Variants in NCOA5 observed in about 807,000 individuals in gnomAD.
NCOA5 encodes nuclear receptor coactivator 5, also known as NCoA-5.
Under a neutral mutation model 59.0 loss-of-function variants are expected in NCOA5, and 12 were observed. That is an observed-to-expected ratio of 0.20 (90% CI 0.13 to 0.33). The LOEUF (loss-of-function observed/expected upper bound fraction) is 0.33. Among genes scored for constraint, NCOA5 ranks in the 10% least tolerant of loss-of-function variants. NCOA5 has a pLI of 1.00. For synonymous variants in NCOA5, 270 were observed against 275.5 expected (o/e 0.98, Z 0.20); for missense variants, 655 against 766.6 (o/e 0.85, Z 1.72).
chr20:46,083,248 G>A (rs987980213), intron 1 of NCOA5, among the ~76,000 whole-genome samples: 7 of 152,156 alleles, frequency 4.6e-5, no homozygotes, highest in African/African-American at 9.7e-5. Context: ...TTTTCCTGAC[G>A]TTCTGCGAAA....
rs1484821338 is a variant in NCOA5, at chr20:46,067,179, G to A, written c.505C>T (p.Arg169Cys). Residue 169 changes from arginine to cysteine, a missense_variant and splice_region_variant, in exon 5 of 8, where the codon CGT becomes TGT. Arg to Cys is a radical substitution (Grantham distance 180, BLOSUM62 -3). Around this residue, in one of 3 missense-constraint regions of NCOA5, gnomAD observed 250 missense variants for 260.1 expected, o/e 0.96. Coordinates refer to ENST00000290231, the MANE Select transcript of NCOA5 (RefSeq NM_020967.3). ...CTACGCCGTTCCTCACGTTTCAAAC[G>A]CTCTGCAAAACACCACCAGGGTAAA... ...GPESQSRAKE[R>C]LKREERRREE... 1.2e-5 allele frequency: 19 copies of A among 1,612,016 alleles called. No homozygotes were observed. The highest frequency in any genetic ancestry group is 1.4e-5 in the Non-Finnish European group (16 of 1,179,434).
intron 4 of NCOA5, among the ~76,000 whole-genome samples, chr20:46,067,558 T>C (rs989577739): frequency 6.2e-5 from 9 of 146,228 alleles, no homozygotes; most frequent in Non-Finnish European, 1.1e-4. Context: ...CTAATCTGCA[T>C]TTTTGCTTTT....
chr20:46,075,569 T>C (rs573562187), intron 2 of NCOA5, among the ~76,000 whole-genome samples: 3 of 152,338 alleles, frequency 2.0e-5, no homozygotes, highest in Admixed American at 6.5e-5. Context: ...CTGCAGAGCG[T>C]TGGATGCAGA....
At chr20:46,087,240 G>C (rs771991281) in intron 1 of NCOA5, among the ~76,000 whole-genome samples, 10 of 152,192 alleles carry the variant, frequency 6.6e-5, no homozygotes, top group African/African-American at 1.9e-4. Context: ...AAAAACAAGA[G>C]AACAACCTAA....
chr20:46,067,938 T>C (rs1396016347), intron 4 of NCOA5, among the ~76,000 whole-genome samples: 1 of 141,006 alleles, frequency 7.1e-6, no homozygotes, highest in African/African-American at 2.9e-5. Flanking sequence ...ATTTTTCTCT[T>C]TTTTTTTTTT....
At chr20:46,088,868 G>A (rs764036631) in intron 1 of NCOA5, among the ~76,000 whole-genome samples, 1 of 152,154 alleles carries the variant, frequency 6.6e-6, no homozygotes, top group Non-Finnish European at 1.5e-5. Context: ...AATTTCAGGA[G>A]GAACAAGGAC....
chr20:46,088,018 C>T (rs2085062281), intron 1 of NCOA5, among the ~76,000 whole-genome samples: 2 of 152,066 alleles, frequency 1.3e-5, no homozygotes, highest in South Asian at 4.2e-4. Flanking sequence ...TTTACACAGC[C>T]TTTGAGGGGA....
intron 1 of NCOA5, among the ~76,000 whole-genome samples, chr20:46,088,507 A>G (rs1442843443): frequency 6.6e-6 from 1 of 152,240 alleles, no homozygotes; most frequent in Non-Finnish European, 1.5e-5. Context: ...ACTCATAGAG[A>G]AAACATTAAA....
At chr20:46,087,981 A>G (rs1040179364) in intron 1 of NCOA5, among the ~76,000 whole-genome samples, 3 of 149,646 alleles carry the variant, frequency 2.0e-5, no homozygotes, top group African/African-American at 7.4e-5. Flanking sequence ...ACACACATAT[A>G]TATACATATA....
chr20:46,080,487 C>T (rs1235090715), intron 1 of NCOA5, among the ~76,000 whole-genome samples: 1 of 152,078 alleles, frequency 6.6e-6, no homozygotes, highest in East Asian at 1.9e-4. Flanking sequence ...GTATTAAGTA[C>T]TCACATAATT....
chr20:46,076,696 C>T (rs2084941882), intron 2 of NCOA5, among the ~76,000 whole-genome samples: 1 of 151,712 alleles, frequency 6.6e-6, no homozygotes, highest in South Asian at 2.1e-4. Flanking sequence ...TGTTAAATAA[C>T]ATGCTGAGGA....
chr20:46,080,729 A>G (rs1186437420), intron 1 of NCOA5, among the ~76,000 whole-genome samples: 1 of 152,140 alleles, frequency 6.6e-6, no homozygotes, highest in Non-Finnish European at 1.5e-5. Flanking sequence ...AATAATATAA[A>G]GCTAAATAGT....
intron 1 of NCOA5, among the ~76,000 whole-genome samples, chr20:46,084,450 C>A (rs374105653): frequency 2.0e-5 from 3 of 152,172 alleles, no homozygotes; most frequent in East Asian, 3.8e-4. Context: ...CCAGAGACAC[C>A]CAACAGGGTA....
intron 5 of NCOA5, 149 bp from the exon 6 acceptor site, chr20:46,065,377 C>A: frequency 1.3e-6 from 1 of 751,342 alleles, no homozygotes; most frequent in Non-Finnish European, 2.2e-6. Flanking sequence ...CCAATACTCT[C>A]TCTCTACCCT....
intron 3 of NCOA5, among the ~76,000 whole-genome samples, chr20:46,068,948 C>A (rs1055129889): frequency 1.3e-5 from 2 of 152,020 alleles, no homozygotes; most frequent in Non-Finnish European, 2.9e-5. Context: ...AATAATTTGC[C>A]ATTTTAACAA....
In NCOA5 at chr20:46,068,371, TTTC is replaced by T. The variant is rs541170863; in HGVS notation, c.502+128_502+130del. On this transcript the variant is annotated intron_variant, in intron 4 of 7. Transcript: ENST00000290231. ...TTTACCCACTAATAAGCTACTTATA[TTTC>T]TTCTTTTTATACACTGCTTGGCCAA... The T allele has an allele frequency of 3.1e-4, 276 of 903,862 alleles. No individual in the cohort carries two copies. The African/African-American group carries it at 4.3e-3, about 14-fold the overall frequency. The allele number at this position is 903,862 out of a possible 1,614,324, so 56.0% of individuals were successfully genotyped here. A position where few individuals can be genotyped will look rare whatever the true frequency, so the allele number is the denominator to read the frequency against.
Position 46,079,470 on chromosome 20 carries a change from A to C in NCOA5, c.-29-17T>G. 1 of 1,590,628 alleles carries C rather than the reference A, an allele frequency of 6.3e-7. No individual in the cohort carries two copies. The highest frequency in any genetic ancestry group is 8.6e-7 in the Non-Finnish European group (1 of 1,159,066). On this transcript the variant is annotated splice_polypyrimidine_tract_variant and intron_variant, in intron 1 of 7. Coordinates refer to ENST00000290231, the MANE Select transcript of NCOA5 (RefSeq NM_020967.3). The stretch of plus-strand genomic sequence containing the variant: ...TATTAATATCTGAAAAGAATAATCA[A>C]CCCATCTGTTCAATGCTACGGAATA...
chr20:46,078,595 T>C (rs944387935), intron 2 of NCOA5, among the ~76,000 whole-genome samples: 2 of 152,244 alleles, frequency 1.3e-5, no homozygotes, highest in African/African-American at 4.8e-5. Flanking sequence ...TCGTATGAAA[T>C]ATATCATATC....
chr20:46,068,609 C>A lies in NCOA5; in HGVS notation c.395G>T (p.Arg132Leu). 1 of 1,613,292 alleles carries A rather than the reference C, an allele frequency of 6.2e-7. No individual in the cohort carries two copies. Among genetic ancestry groups the A allele is most frequent in the South Asian group, 1.1e-5 (1 of 90,840 alleles). ...RREGSYDRYL[R>L]MDDYCRRKDD... ...CTTTCTCCTGCAATAGTCATCCATT[C>A]GTAGGTATCGGTCATAAGAGCCTTC... The change falls in exon 4 of 8, where the codon CGA (arginine) becomes CTA (leucine). Residue 132 changes from arginine to leucine, a missense_variant. Coordinates refer to ENST00000290231, the MANE Select transcript of NCOA5 (RefSeq NM_020967.3).
Sources: gnomAD v4.1 joint callset for allele counts (sites outside exome capture counted in the v4.1 genomes callset) on GRCh38, gnomAD v4.1.1 for gene constraint, gnomAD v4.1.1 regional missense constraint, MANE v1.5 for transcripts, NCBI Gene and HGNC (gene_info 2026-07-23, HGNC 2026-07-21) for gene names.